IFTAP: variants seen among roughly 807,000 people sequenced by gnomAD.
The protein encoded by IFTAP is intraflagellar transport-associated protein.
Under a neutral mutation model 19.4 loss-of-function variants are expected in IFTAP, and 19 were observed. That is an observed-to-expected ratio of 0.98 (90% CI 0.68 to 1.44). The LOEUF is 1.44. Ranked by LOEUF, IFTAP falls within the 40% of genes most tolerant of loss-of-function variation. The pLI is 0.00. For missense variants in IFTAP, 240 were observed against 253.6 expected (o/e 0.95, Z 0.36); for synonymous variants, 85 against 83.5 (o/e 1.02, Z -0.10).
intron 2 of IFTAP, among the ~76,000 whole-genome samples, chr11:36,626,698 C>G (rs1440578482): frequency 6.6e-6 from 1 of 151,046 alleles, no homozygotes; most frequent in African/African-American, 2.5e-5. Context: ...AGAAAACAGG[C>G]CATGTGATAG....
intron 4 of IFTAP, among the ~76,000 whole-genome samples, chr11:36,642,151 G>C (rs1048008915): frequency 6.6e-6 from 1 of 151,902 alleles, no homozygotes; most frequent in African/African-American, 2.4e-5. Context: ...TCAAATAGAC[G>C]CAATAAAAAA....
intron 2 of IFTAP, among the ~76,000 whole-genome samples, chr11:36,622,753 G>A (rs2133418984): frequency 6.6e-6 from 1 of 152,216 alleles, no homozygotes; most frequent in East Asian, 1.9e-4. Context: ...TGATACGAAA[G>A]AGAAAAACAT....
chr11:36,636,160 A>G (rs1228894341), intron 4 of IFTAP, 43 bp downstream of exon 4: 1 of 1,441,196 alleles, frequency 6.9e-7, no homozygotes, highest in Non-Finnish European at 9.7e-7. Flanking sequence ...ACCTCTTTCT[A>G]GAAACTACAA....
intron 2 of IFTAP, among the ~76,000 whole-genome samples, chr11:36,630,546 T>C (rs1261604709): frequency 1.3e-5 from 2 of 151,396 alleles, no homozygotes; most frequent in Non-Finnish European, 2.9e-5. Flanking sequence ...CTTCATTATA[T>C]TTTGCTCTTT....
chr11:36,650,405 T>G (rs1020770099), intron 5 of IFTAP, among the ~76,000 whole-genome samples: 12 of 151,990 alleles, frequency 7.9e-5, no homozygotes, highest in Non-Finnish European at 1.3e-4. Flanking sequence ...ATATAATAAT[T>G]GTATGTATTT....
chr11:36,647,617 G>C (rs1371509545), intron 4 of IFTAP, among the ~76,000 whole-genome samples: 1 of 152,090 alleles, frequency 6.6e-6, no homozygotes, highest in Non-Finnish European at 1.5e-5. Flanking sequence ...GTTACAGGAT[G>C]AAATCAGTAC....
At chr11:36,603,236 C>CA (rs1851571876) in intron 1 of IFTAP, among the ~76,000 whole-genome samples, 1 of 151,988 alleles carries the variant, frequency 6.6e-6, no homozygotes, top group Non-Finnish European at 1.5e-5. Flanking sequence ...GGTGAATGAA[C>CA]AGGAAAGGGA....
chr11:36,610,037 G>A, intron 1 of IFTAP, 44 bp from the exon 2 acceptor site: 1 of 1,541,346 alleles, frequency 6.5e-7, no homozygotes, highest in Non-Finnish European at 8.9e-7. Context: ...CAAAGGGGCT[G>A]GTATTGCCTG....
intron 5 of IFTAP, among the ~76,000 whole-genome samples, chr11:36,651,214 T>C (rs1013189718): frequency 9.2e-5 from 14 of 152,074 alleles, no homozygotes; most frequent in African/African-American, 2.7e-4. Context: ...CTCTCCAGCA[T>C]CTGTTGTTTC....
At chr11:36,652,180 A>G (rs933226886) in intron 5 of IFTAP, among the ~76,000 whole-genome samples, 1 of 152,212 alleles carries the variant, frequency 6.6e-6, no homozygotes, top group South Asian at 2.1e-4. Context: ...CTTCCTATCC[A>G]TGAACATGGA....
chr11:36,614,053 T>C (rs971166627), intron 2 of IFTAP, among the ~76,000 whole-genome samples: 1 of 151,858 alleles, frequency 6.6e-6, no homozygotes, highest in African/African-American at 2.4e-5. Context: ...TATCTCCCAG[T>C]GCTATCCCTC....
intron 2 of IFTAP, among the ~76,000 whole-genome samples, chr11:36,612,235 A>G (rs1328184169): frequency 6.6e-6 from 1 of 151,610 alleles, no homozygotes; most frequent in East Asian, 1.9e-4. Context: ...TCTGAAATAA[A>G]TGATGATGCA....
chr11:36,608,545 G>A (rs1385620924), intron 1 of IFTAP, among the ~76,000 whole-genome samples: 2 of 152,236 alleles, frequency 1.3e-5, no homozygotes, highest in African/African-American at 4.8e-5. Context: ...TATGCAGAAT[G>A]AATGGAGTTT....
chr11:36,625,895 C>G (rs1056740688), intron 2 of IFTAP, among the ~76,000 whole-genome samples: 10 of 152,014 alleles, frequency 6.6e-5, no homozygotes, highest in Non-Finnish European at 1.5e-4. Context: ...ATTTGAGGCC[C>G]AGGGAACAGC....
At chr11:36,651,614 T>G (rs1302912796) in intron 5 of IFTAP, among the ~76,000 whole-genome samples, 7 of 152,204 alleles carry the variant, frequency 4.6e-5, no homozygotes, top group Non-Finnish European at 8.8e-5. Flanking sequence ...GTTTTAGACA[T>G]GAAGTCCTTG....
At chr11:36,610,054 T>C in intron 1 of IFTAP, 27 bp from the exon 2 acceptor site, 7 of 1,597,172 alleles carry the variant, frequency 4.4e-6, no homozygotes, top group Non-Finnish European at 6.0e-6. Flanking sequence ...CCTGATTCTC[T>C]CTAGCTGGTA....
At position 36,633,547 on chromosome 11, in the gene IFTAP, T is replaced by C. The variant is rs571727656; in HGVS notation, c.291+109T>C. On this transcript the variant is annotated intron_variant, in intron 3 of 5. Coordinates refer to ENST00000334307, the MANE Select transcript of IFTAP (RefSeq NM_138787.4). ...CACTAGACAGTTATTAGATCTGTAA[T>C]TCCTAATTCTAGAAGGAGTGCCATT... 3.5e-6 allele frequency: 3 copies of C among 845,744 alleles called. No homozygotes were observed. The South Asian group carries it at 1.4e-4, about 39-fold the overall frequency. 52.4% of individuals were successfully genotyped at this position (845,744 alleles called of 1,614,324 possible).
intron 1 of IFTAP, among the ~76,000 whole-genome samples, chr11:36,596,628 T>C (rs1380230295): frequency 6.6e-6 from 1 of 152,236 alleles, no homozygotes; most frequent in East Asian, 1.9e-4. Flanking sequence ...TGAGTGATTA[T>C]GATCAGAGAG....
At chr11:36,643,578 T>C (rs966844198) in intron 4 of IFTAP, among the ~76,000 whole-genome samples, 3 of 152,126 alleles carry the variant, frequency 2.0e-5, no homozygotes, top group Non-Finnish European at 4.4e-5. Flanking sequence ...GGAGGCATCA[T>C]GCTACCTGAC....
Sources: allele counts gnomAD v4.1 joint callset (sites outside exome capture counted in the v4.1 genomes callset), GRCh38; gene constraint gnomAD v4.1.1; transcripts MANE v1.5; gene names NCBI Gene and HGNC (gene_info 2026-07-23, HGNC 2026-07-21).